POU6F2: variants seen among roughly 807,000 people sequenced by gnomAD.
POU6F2 encodes POU domain, class 6, transcription factor 2.
Under a neutral mutation model 71.3 loss-of-function variants are expected in POU6F2, and 31 were observed. The ratio of observed to expected loss-of-function variants is 0.43; its 90% CI spans 0.33 to 0.59. The LOEUF (loss-of-function observed/expected upper bound fraction) is 0.59, where lower values mean the gene tolerates loss of function less well. Among genes scored for constraint, POU6F2 ranks in the 20% least tolerant of loss-of-function variants. The pLI, the probability that POU6F2 is intolerant of heterozygous loss-of-function variation, is 0.04. For missense variants in POU6F2, 783 were observed against 856.8 expected (o/e 0.91, Z 1.07); for synonymous variants, 347 against 355.7 (o/e 0.98, Z 0.27).
intron 5 of POU6F2, among the ~76,000 whole-genome samples, chr7:39,364,577 C>A (rs1786459581): frequency 6.6e-6 from 1 of 152,154 alleles, no homozygotes; most frequent in Non-Finnish European, 1.5e-5. Context: ...TCATCCAGGT[C>A]ACTGCAAATG....
chr7:39,088,567 ATCTAAACAATAATTTTCTAACATACTT>A (rs1488838678), intron 2 of POU6F2, among the ~76,000 whole-genome samples: 1 of 152,154 alleles, frequency 6.6e-6, no homozygotes, highest in African/African-American at 2.4e-5. Flanking sequence ...CTATGTTTTT[ATCTAAACAATAATTTTCTAACATACTT>A]TCTTTCTCAA....
Position 39,261,088 on chromosome 7 carries a change from CA to C in POU6F2, c.598+53469del, listed in dbSNP as rs1562767765. Among the ~76,000 whole-genome samples, 262 of 151,988 alleles carry C rather than the reference CA, an allele frequency of 1.7e-3. 1 individual carries two copies. Among genetic ancestry groups the C allele is most frequent in the African/African-American group, 5.1e-3 (211 of 41,438 alleles). The stretch of plus-strand genomic sequence containing the variant: ...ATGCACACACACACACACACACACA[CA>C]CACCCCACGCCACAGATCTGTCTCC... On this transcript the variant is annotated intron_variant, in intron 4 of 9. Coordinates refer to ENST00000518318, the MANE Select transcript of POU6F2 (RefSeq NM_001370959.1).
chr7:39,456,717 A>C (rs1301577676), intron 8 of POU6F2, among the ~76,000 whole-genome samples: 2 of 152,238 alleles, frequency 1.3e-5, no homozygotes, highest in East Asian at 3.8e-4. Context: ...TAATATAAAG[A>C]AATCTGAGTG....
intron 5 of POU6F2, among the ~76,000 whole-genome samples, chr7:39,394,180 G>A (rs1383789521): frequency 2.6e-5 from 4 of 152,196 alleles, no homozygotes; most frequent in African/African-American, 9.6e-5. Flanking sequence ...GTCTTAACAC[G>A]TGCACCCAGC....
At chr7:39,438,660 G>A (rs891402088) in intron 7 of POU6F2, among the ~76,000 whole-genome samples, 39 of 152,202 alleles carry the variant, frequency 2.6e-4, no homozygotes, top group African/African-American at 9.4e-4. Flanking sequence ...GATTCCTCAA[G>A]GATCTAGAAC....
At chr7:39,132,388 C>T (rs758956187) in intron 2 of POU6F2, 6 of 152,136 alleles carry the variant, frequency 3.9e-5, no homozygotes, top group Non-Finnish European at 8.8e-5. Flanking sequence ...GCCATACTCT[C>T]GTTCAAGGCT....
chr7:39,207,582 C>G lies in POU6F2; in HGVS notation c.560C>G (p.Ala187Gly), dbSNP rs770152084. Reference protein sequence around the residue: ...NIQGLVAAAAAGGIMTLPLQN... With the variant: ...NIQGLVAAAAGGGIMTLPLQN... ...CAAGGGCTGGTGGCAGCAGCTGCAG[C>G]CGGAGGCATTATGACTCTGCCACTG... Residue 187 changes from alanine (A) to glycine (G), a missense_variant, in exon 4 of 10, where the codon GCC becomes GGC. Around this residue, in one of 2 missense-constraint regions of POU6F2, gnomAD observed 572 missense variants for 572.9 expected, o/e 1.00. Transcript: ENST00000518318. 6.2e-7 allele frequency: 1 copy of G among 1,613,974 alleles called. No homozygotes were observed. The highest frequency in any genetic ancestry group is 8.5e-7 in the Non-Finnish European group (1 of 1,179,856).
At chr7:39,003,223 G>T (rs1439421209) in intron 1 of POU6F2, among the ~76,000 whole-genome samples, 2 of 151,842 alleles carry the variant, frequency 1.3e-5, no homozygotes, top group African/African-American at 4.8e-5. Context: ...TCTCTTGTAG[G>T]ATATTTTGAA....
intron 4 of POU6F2, among the ~76,000 whole-genome samples, chr7:39,222,542 T>C (rs565554417): frequency 6.6e-6 from 1 of 152,314 alleles, no homozygotes; most frequent in East Asian, 1.9e-4. Flanking sequence ...TGAAACTCTG[T>C]ACCCATTAAA....
chr7:39,432,285 C>G (rs897561685), intron 6 of POU6F2, among the ~76,000 whole-genome samples: 1 of 152,142 alleles, frequency 6.6e-6, no homozygotes, highest in Non-Finnish European at 1.5e-5. Context: ...CACAGAAGCC[C>G]CAAGCCCCTC....
chr7:39,053,948 C>T (rs1462945640), intron 1 of POU6F2, among the ~76,000 whole-genome samples: 2 of 151,664 alleles, frequency 1.3e-5, no homozygotes, highest in Non-Finnish European at 1.5e-5. Flanking sequence ...ACTAAAAATA[C>T]AAAAATTAGC....
intron 5 of POU6F2, among the ~76,000 whole-genome samples, chr7:39,348,985 C>T (rs1786083700): frequency 2.0e-5 from 3 of 152,162 alleles, no homozygotes; most frequent in Admixed American, 2.0e-4. Context: ...TTAATATCTC[C>T]TGTGAAAAAT....
chr7:39,381,536 C>G (rs548916434), intron 5 of POU6F2, among the ~76,000 whole-genome samples: 1 of 152,244 alleles, frequency 6.6e-6, no homozygotes, highest in Non-Finnish European at 1.5e-5. Flanking sequence ...GCCTCCATGC[C>G]CAGCTTCATT....
intron 2 of POU6F2, among the ~76,000 whole-genome samples, chr7:39,154,652 A>G (rs1164104491): frequency 2.0e-5 from 3 of 152,202 alleles, no homozygotes; most frequent in Non-Finnish European, 2.9e-5. Context: ...ATAACCCTGA[A>G]TGAAACATGA....
chr7:39,311,314 C>T (rs1275567849), intron 4 of POU6F2, among the ~76,000 whole-genome samples: 1 of 151,798 alleles, frequency 6.6e-6, no homozygotes, highest in African/African-American at 2.4e-5. Context: ...CAAGTCATAT[C>T]ACCCCTCTGC....
intron 2 of POU6F2, among the ~76,000 whole-genome samples, chr7:39,109,949 T>A (rs929617504): frequency 5.3e-5 from 8 of 152,222 alleles, no homozygotes; most frequent in Non-Finnish European, 1.0e-4. Flanking sequence ...GTGAGCTAAT[T>A]GTTAAATATA....
At chr7:39,051,550 A>G (rs1790400571) in intron 1 of POU6F2, among the ~76,000 whole-genome samples, 1 of 152,160 alleles carries the variant, frequency 6.6e-6, no homozygotes, top group Non-Finnish European at 1.5e-5. Context: ...AGAAACATTA[A>G]TCTTGAGTAT....
chr7:39,291,709 C>T (rs1053598040), intron 4 of POU6F2, among the ~76,000 whole-genome samples: 2 of 152,064 alleles, frequency 1.3e-5, no homozygotes. Flanking sequence ...GCTTGAAGCA[C>T]GGTTTCATTA....
At chr7:39,316,516 TGTGA>T in intron 4 of POU6F2, among the ~76,000 whole-genome samples, 1 of 152,282 alleles carries the variant, frequency 6.6e-6, no homozygotes, top group East Asian at 1.9e-4. Flanking sequence ...CTGATTGCAG[TGTGA>T]GTGAGTCTCA....
Sources: gnomAD v4.1 joint callset for allele counts (sites outside exome capture counted in the v4.1 genomes callset) on GRCh38, gnomAD v4.1.1 for gene constraint, gnomAD v4.1.1 regional missense constraint, MANE v1.5 for transcripts, NCBI Gene and HGNC (gene_info 2026-07-23, HGNC 2026-07-21) for gene names.